The following PCDH11X variants were observed in gnomAD, a reference collection of about 807,000 sequenced individuals.
PCDH11X encodes the protein protocadherin 11 X-linked, also known as protocadherin-11 X-linked.
A neutral mutation model predicts 53.3 loss-of-function variants in PCDH11X; 18 were observed. That is an observed-to-expected ratio of 0.34 (90% confidence interval 0.23 to 0.50). PCDH11X has a LOEUF of 0.50. Ranked by LOEUF, PCDH11X falls within the 20% of genes least tolerant of loss-of-function variation. The pLI is 0.98. For missense variants in PCDH11X, 570 were observed against 1,032.4 expected (o/e 0.55, Z 6.14); for synonymous variants, 279 against 393.3 (o/e 0.71, Z 3.44).
chrX:92,411,965 A>G (rs1476859252), intron 9 of PCDH11X, among the ~76,000 whole-genome samples: 6 of 9,866 alleles, frequency 6.1e-4, no homozygotes, highest in Admixed American at 1.8e-3. Context: ...GAGGAGGAGG[A>G]GGAGGGAAGA....
intron 6 of PCDH11X, among the ~76,000 whole-genome samples, chrX:92,109,478 T>C (rs992809624): frequency 3.6e-5 from 4 of 111,427 alleles, no homozygotes; most frequent in Non-Finnish European, 7.5e-5. Context: ...AGTGAGGTTT[T>C]CTTGTTGTCT....
intron 9 of PCDH11X, among the ~76,000 whole-genome samples, chrX:92,422,732 C>G (rs1335634305): frequency 8.9e-6 from 1 of 111,998 alleles, no homozygotes; most frequent in African/African-American, 3.2e-5. Flanking sequence ...GGAATCTGCA[C>G]AATGTTTTCC....
chrX:92,425,168 C>T lies in PCDH11X; in HGVS notation c.3343+37235C>T, dbSNP rs771470513. The stretch of plus-strand genomic sequence containing the variant: ...AGGAAGATTTTGAGCAAAGAAGTGG[C>T]ATGATCTAATGTATGTTTTAAGATG... On this transcript the variant is annotated intron_variant, in intron 9 of 10. Coordinates refer to ENST00000682573, the MANE Select transcript of PCDH11X (RefSeq NM_032968.5). Among the ~76,000 whole-genome samples, 109 of 110,729 alleles carry T rather than the reference C, an allele frequency of 9.8e-4. 1 individual carries two copies. The highest frequency in any genetic ancestry group is 3.2e-3 in the African/African-American group (98 of 30,667).
chrX:92,296,008 G>T (rs772237472), intron 8 of PCDH11X, among the ~76,000 whole-genome samples: 4 of 109,217 alleles, frequency 3.7e-5, no homozygotes, highest in African/African-American at 1.3e-4. Flanking sequence ...GCTTGAACCC[G>T]GGAGGCGAGG....
At chrX:91,942,167 C>G (rs1365160670) in intron 6 of PCDH11X, among the ~76,000 whole-genome samples, 2 of 109,147 alleles carry the variant, frequency 1.8e-5, no homozygotes, top group Non-Finnish European at 3.8e-5. Flanking sequence ...AGAAGAAGAA[C>G]AAGTTAAACA....
chrX:92,267,254 G>A (rs1186704639), intron 8 of PCDH11X, among the ~76,000 whole-genome samples: 2 of 111,581 alleles, frequency 1.8e-5, no homozygotes, highest in Non-Finnish European at 3.8e-5. Flanking sequence ...CTTAGGGTTT[G>A]CACAAATGGC....
chrX:91,785,633 C>T lies in PCDH11X; in HGVS notation c.-379+5949C>T, dbSNP rs538845231. 1.5e-4 allele frequency among the ~76,000 whole-genome samples: 17 copies of T among 111,049 alleles called. No homozygotes were observed. The East Asian group carries it at 4.6e-3, about 30-fold the overall frequency. On this transcript the variant is annotated intron_variant, in intron 1 of 10. Transcript: ENST00000682573. Reference sequence around the variant, plus strand: ...ATTTAATTGGATTGGCTTTATATGACAACATTCCAAATTACATGTCATTGT... The same window carrying T: ...ATTTAATTGGATTGGCTTTATATGATAACATTCCAAATTACATGTCATTGT...
At chrX:92,159,538 G>C (rs2065599676) in intron 6 of PCDH11X, among the ~76,000 whole-genome samples, 1 of 108,648 alleles carries the variant, frequency 9.2e-6, no homozygotes, top group Non-Finnish European at 1.9e-5. Context: ...ACAAGTGTGT[G>C]TATGTTTTAG....
chrX:92,073,738 G>T lies in PCDH11X; in HGVS notation c.3034-127637G>T, dbSNP rs375269978. On this transcript the variant is annotated intron_variant, in intron 6 of 10. Coordinates refer to ENST00000682573, the MANE Select transcript of PCDH11X (RefSeq NM_032968.5). ...GGGTAGTAGGAGTCTAAATGAGGCA[G>T]GTAGCCCCTTTAATGATGAGACAGT... 2.8e-4 allele frequency among the ~76,000 whole-genome samples: 31 copies of T among 111,989 alleles called. No individual in the cohort carries two copies. The South Asian group carries it at 0.011, about 39-fold the overall frequency.
chrX:92,025,181 G>C (rs1395858346), intron 6 of PCDH11X, among the ~76,000 whole-genome samples: 1 of 109,912 alleles, frequency 9.1e-6, no homozygotes, highest in Non-Finnish European at 1.9e-5. Context: ...TCATCAGAGT[G>C]AACAGGCAAC....
At chrX:91,921,547 A>G (rs1273585885) in intron 6 of PCDH11X, among the ~76,000 whole-genome samples, 1 of 107,583 alleles carries the variant, frequency 9.3e-6, no homozygotes, top group Non-Finnish European at 1.9e-5. Context: ...AATGTCATAT[A>G]GTTAGAATCA....
intron 10 of PCDH11X, among the ~76,000 whole-genome samples, chrX:92,564,979 C>G (rs1375983707): frequency 9.0e-6 from 1 of 110,723 alleles, no homozygotes; most frequent in Non-Finnish European, 1.9e-5. Context: ...AGACATTTCT[C>G]AAAAGAATAC....
intron 6 of PCDH11X, among the ~76,000 whole-genome samples, chrX:91,891,074 G>A (rs1438371432): frequency 9.3e-6 from 1 of 107,890 alleles, no homozygotes; most frequent in Non-Finnish European, 1.9e-5. Context: ...TAAAATACAA[G>A]AGGATTCATA....
In PCDH11X at chrX:92,132,542, A is replaced by T. The variant is rs536920160; in HGVS notation, c.3034-68833A>T. Among the ~76,000 whole-genome samples, 5 of 102,520 alleles carry T rather than the reference A, an allele frequency of 4.9e-5. No individual in the cohort carries two copies. In the South Asian group the frequency reaches 2.2e-3, roughly 44 times the overall value. The allele number at this position is 102,520 out of a possible 115,157, so 89.0% of individuals were successfully genotyped here. A position where few individuals can be genotyped will look rare whatever the true frequency, so the allele number is the denominator to read the frequency against. On this transcript the variant is annotated intron_variant, in intron 6 of 10. Transcript: ENST00000682573. ...AGAATCGCTTGAACCCGGGAGGCAG[A>T]GGTTGCAGCGAGCCGAGATCACGCC...
intron 5 of PCDH11X, among the ~76,000 whole-genome samples, chrX:91,860,835 CT>C (rs1329609368): frequency 8.9e-6 from 1 of 111,885 alleles, no homozygotes; most frequent in African/African-American, 3.3e-5. Context: ...GGTGGATAAG[CT>C]TTTTGATTTG....
At chrX:91,825,285 C>T (rs1222383602) in intron 4 of PCDH11X, among the ~76,000 whole-genome samples, 1 of 110,704 alleles carries the variant, frequency 9.0e-6, no homozygotes, top group Non-Finnish European at 1.9e-5. Context: ...TCGCTGCCAC[C>T]TTGCAGTTTG....
chrX:91,958,967 C>T (rs1306441083), intron 6 of PCDH11X, among the ~76,000 whole-genome samples: 52 of 104,083 alleles, frequency 5.0e-4, no homozygotes, highest in Non-Finnish European at 9.2e-4. Flanking sequence ...ATAAGACAGA[C>T]CTCAGTATAA....
chrX:92,606,420 A>G (rs1367396905), intron 10 of PCDH11X, among the ~76,000 whole-genome samples: 61 of 108,164 alleles, frequency 5.6e-4, no homozygotes, highest in Non-Finnish European at 9.4e-4. Context: ...TAAAGTCAAT[A>G]AATAATAAAT....
intron 6 of PCDH11X, among the ~76,000 whole-genome samples, chrX:91,894,289 C>CT (rs923361106): frequency 2.7e-5 from 3 of 111,862 alleles, no homozygotes; most frequent in African/African-American, 9.7e-5. Flanking sequence ...AAGTCGGTGA[C>CT]TATTTTCTTC....
Sources: gnomAD v4.1 joint callset for allele counts (sites outside exome capture counted in the v4.1 genomes callset) on GRCh38, gnomAD v4.1.1 for gene constraint, MANE v1.5 for transcripts, NCBI Gene and HGNC (gene_info 2026-07-23, HGNC 2026-07-21) for gene names.